Variants in FBXL20 observed in about 807,000 individuals in gnomAD.
The protein encoded by FBXL20 is F-box and leucine rich repeat protein 20, also known as F-box/LRR-repeat protein 20.
A neutral mutation model predicts 64.0 loss-of-function variants in FBXL20; 11 were observed. That is an observed-to-expected ratio of 0.17 (90% confidence interval 0.11 to 0.28). The LOEUF (loss-of-function observed/expected upper bound fraction) is 0.28. Among genes scored for constraint, FBXL20 ranks in the 10% least tolerant of loss-of-function variants. The probability of loss-of-function intolerance (pLI) is 1.00; values close to 1 mark genes in which losing one functional copy is unlikely to be tolerated. For missense variants in FBXL20, 303 were observed against 526.2 expected, an observed-to-expected ratio of 0.58 and a Z score of 4.15; for synonymous variants, 184 against 189.0, an observed-to-expected ratio of 0.97 and a Z score of 0.22.
intron 1 of FBXL20, among the ~76,000 whole-genome samples, chr17:39,381,925 T>C (rs1199316304): frequency 1.3e-5 from 2 of 150,132 alleles, no homozygotes; most frequent in Non-Finnish European, 1.5e-5. Context: ...TGAAACCCCC[T>C]CTCTGCTAAA....
intron 8 of FBXL20, 84 bp downstream of exon 8, chr17:39,282,645 A>G (rs2046958050): frequency 1.3e-6 from 2 of 1,571,516 alleles, no homozygotes; most frequent in Non-Finnish European, 1.7e-6. Context: ...TTCCCTCCAG[A>G]CAAACATCTT....
intron 9 of FBXL20, 50 bp downstream of exon 9, chr17:39,281,339 T>C: frequency 6.4e-7 from 1 of 1,551,038 alleles, no homozygotes; most frequent in Non-Finnish European, 8.8e-7. Context: ...CTTAAAAATT[T>C]TAATGAAATG....
At chr17:39,358,853 A>G (rs1304004492) in intron 1 of FBXL20, among the ~76,000 whole-genome samples, 8 of 152,172 alleles carry the variant, frequency 5.3e-5, no homozygotes, top group African/African-American at 7.2e-5. Context: ...ACAAACTGAA[A>G]AACAAACAAA....
chr17:39,357,300 T>C (rs1306284389), intron 1 of FBXL20, among the ~76,000 whole-genome samples: 1 of 151,896 alleles, frequency 6.6e-6, no homozygotes, highest in East Asian at 1.9e-4. Context: ...AAAAGACTTT[T>C]TTTGCCCAGT....
At chr17:39,381,479 CAAA>C (rs35767863) in intron 1 of FBXL20, among the ~76,000 whole-genome samples, 1 of 67,844 alleles carries the variant, frequency 1.5e-5, no homozygotes. Context: ...GACTCTGTCT[CAAA>C]AAAAAAAAAA....
intron 2 of FBXL20, among the ~76,000 whole-genome samples, chr17:39,324,061 G>A (rs2047385810): frequency 7.4e-6 from 1 of 135,622 alleles, no homozygotes; most frequent in Admixed American, 8.0e-5. Flanking sequence ...TTAAAGGCGT[G>A]AGCCACCGTG....
At chr17:39,334,871 T>C (rs1237809292) in intron 2 of FBXL20, among the ~76,000 whole-genome samples, 1 of 152,140 alleles carries the variant, frequency 6.6e-6, no homozygotes, top group Non-Finnish European at 1.5e-5. Context: ...GGGTGGATCC[T>C]GAGGTCACAA....
intron 1 of FBXL20, among the ~76,000 whole-genome samples, chr17:39,343,512 T>G (rs1466744688): frequency 6.6e-6 from 1 of 152,162 alleles, no homozygotes; most frequent in Non-Finnish European, 1.5e-5. Flanking sequence ...TTAATGGTTT[T>G]AATCTTCATA....
chr17:39,332,232 T>A (rs761300695), intron 2 of FBXL20, among the ~76,000 whole-genome samples: 4 of 152,182 alleles, frequency 2.6e-5, no homozygotes, highest in African/African-American at 4.8e-5. Flanking sequence ...GAAATGAATA[T>A]GAGATTGCAC....
intron 1 of FBXL20, among the ~76,000 whole-genome samples, chr17:39,392,954 T>C (rs2048148494): frequency 6.7e-6 from 1 of 149,508 alleles, no homozygotes; most frequent in Non-Finnish European, 1.5e-5. Flanking sequence ...GATCGTGTCA[T>C]CGCACTCCAT....
chr17:39,363,828 AAAAAAC>A lies in FBXL20; in HGVS notation c.43-20593_43-20588del, dbSNP rs1376378130. On this transcript the variant is annotated intron_variant, in intron 1 of 14. Transcript: ENST00000264658. Reference sequence around the variant, plus strand: ...TTTATCTCAAAAAAAAAAAAAAAACAAAAAACAAAAAAAAAAACAATAAAAAGTAAG... The same window carrying A: ...TTTATCTCAAAAAAAAAAAAAAAACAAAAAAAAAAAACAATAAAAAGTAAG... Among the ~76,000 whole-genome samples the A allele has an allele frequency of 7.0e-4, 98 of 139,708 alleles. 4 individuals are homozygous for A. Among genetic ancestry groups the A allele is most frequent in the African/African-American group, 2.6e-3 (94 of 35,722 alleles). The allele number at this position is 139,708 out of a possible 152,430, so 91.7% of individuals were successfully genotyped here. A position where few individuals can be genotyped will look rare whatever the true frequency, so the allele number is the denominator to read the frequency against.
At chr17:39,332,492 A>AT (rs1257765749) in intron 2 of FBXL20, among the ~76,000 whole-genome samples, 38 of 143,512 alleles carry the variant, frequency 2.6e-4, no homozygotes, top group South Asian at 2.2e-4. Context: ...TTTCCTACAC[A>AT]TTTTACCTGT....
At chr17:39,318,017 G>A (rs1315190881) in intron 2 of FBXL20, among the ~76,000 whole-genome samples, 1 of 151,804 alleles carries the variant, frequency 6.6e-6, no homozygotes, top group East Asian at 1.9e-4. Context: ...CAAATTAGTA[G>A]GAAAATAATG....
intron 1 of FBXL20, among the ~76,000 whole-genome samples, chr17:39,352,341 C>A (rs1484326347): frequency 6.6e-6 from 1 of 151,714 alleles, no homozygotes; most frequent in Non-Finnish European, 1.5e-5. Flanking sequence ...CTGGCCTGGG[C>A]AAGATCGCGA....
chr17:39,401,636 A>G, upstream of FBXL20: 1 of 1,355,326 alleles, frequency 7.4e-7, no homozygotes, highest in Non-Finnish European at 9.4e-7. Flanking sequence ...CTCAGCCTCA[A>G]CTTCAACCCA....
chr17:39,363,810 C>CAAAAAAAAAA (rs71372113), intron 1 of FBXL20, among the ~76,000 whole-genome samples: 17 of 26,654 alleles, frequency 6.4e-4, no homozygotes, highest in African/African-American at 1.2e-3. Flanking sequence ...GACTTTATCT[C>CAAAAAAAAAA]AAAAAAAAAA....
intron 6 of FBXL20, among the ~76,000 whole-genome samples, chr17:39,291,329 T>C (rs1814544653): frequency 6.6e-6 from 1 of 152,006 alleles, no homozygotes; most frequent in African/African-American, 2.4e-5. Context: ...TACTTTTTTC[T>C]ATTTTTTTCT....
At chr17:39,354,716 T>C (rs2047719557) in intron 1 of FBXL20, among the ~76,000 whole-genome samples, 1 of 152,136 alleles carries the variant, frequency 6.6e-6, no homozygotes, top group Non-Finnish European at 1.5e-5. Flanking sequence ...GCAGACTGTC[T>C]TGCAAAAAAT....
intron 6 of FBXL20, among the ~76,000 whole-genome samples, chr17:39,291,123 G>C (rs575025112): frequency 6.6e-6 from 1 of 151,890 alleles, no homozygotes; most frequent in South Asian, 2.1e-4. Context: ...CACCACGCCC[G>C]GCTAACTTTT....
Sources: allele counts gnomAD v4.1 joint callset (sites outside exome capture counted in the v4.1 genomes callset), GRCh38; gene constraint gnomAD v4.1.1; transcripts MANE v1.5; gene names NCBI Gene and HGNC (gene_info 2026-07-23, HGNC 2026-07-21).